The following AOPEP variants were observed in gnomAD, a reference collection of about 807,000 sequenced individuals.
The protein encoded by AOPEP is aminopeptidase O.
Under a neutral mutation model 98.1 loss-of-function variants are expected in AOPEP, and 77 were observed. The ratio of observed to expected loss-of-function variants is 0.78; its 90% CI spans 0.65 to 0.95. The LOEUF is 0.95. Among genes scored for constraint, AOPEP ranks in the 40% least tolerant of loss-of-function variants. AOPEP has a pLI of 0.00. For missense variants in AOPEP, 1,024 were observed against 1,024.7 expected (o/e 1.00, Z 0.01); for synonymous variants, 346 against 365.3 (o/e 0.95, Z 0.60).
At chr9:94,785,785 G>A (rs1280030462) in intron 3 of AOPEP, among the ~76,000 whole-genome samples, 1 of 152,204 alleles carries the variant, frequency 6.6e-6, no homozygotes, top group Non-Finnish European at 1.5e-5. Flanking sequence ...TCTAGTGCAA[G>A]TGGATTGAAT....
chr9:94,787,303 T>C (rs1844642465), intron 3 of AOPEP, among the ~76,000 whole-genome samples: 1 of 152,202 alleles, frequency 6.6e-6, no homozygotes, highest in South Asian at 2.1e-4. Context: ...ACCTTGAGAG[T>C]GCAGACATGC....
At chr9:95,007,347 C>G (rs1352754824) in intron 13 of AOPEP, among the ~76,000 whole-genome samples, 1 of 150,938 alleles carries the variant, frequency 6.6e-6, no homozygotes, top group African/African-American at 2.4e-5. Context: ...ACACCCATGA[C>G]CTGACTACTG....
chr9:95,097,937 G>C, the AOPEP span, among the ~76,000 whole-genome samples: 1 of 152,074 alleles, frequency 6.6e-6, no homozygotes, highest in Admixed American at 6.5e-5. Context: ...CAAAATCTAC[G>C]GATTTCCCAA....
intron 5 of AOPEP, among the ~76,000 whole-genome samples, chr9:94,885,977 A>G (rs924898995): frequency 6.6e-6 from 1 of 152,122 alleles, no homozygotes. Context: ...TCAGTAACGA[A>G]CAACTGACCC....
intron 13 of AOPEP, among the ~76,000 whole-genome samples, chr9:95,034,962 A>G (rs1171275951): frequency 7.4e-6 from 1 of 135,624 alleles, no homozygotes; most frequent in Non-Finnish European, 1.6e-5. Flanking sequence ...AAAGAAAACC[A>G]TTTCTTTTTC....
intron 14 of AOPEP, among the ~76,000 whole-genome samples, chr9:95,065,678 A>G (rs1164561282): frequency 6.6e-6 from 1 of 152,198 alleles, no homozygotes; most frequent in African/African-American, 2.4e-5. Flanking sequence ...CAATTAGTGA[A>G]ATGCTTTTAT....
intron 2 of AOPEP, among the ~76,000 whole-genome samples, chr9:94,771,748 C>T (rs1840939037): frequency 6.6e-6 from 1 of 152,104 alleles, no homozygotes; most frequent in South Asian, 2.1e-4. Flanking sequence ...CTGGACAGTC[C>T]CCACTGTGAC....
At chr9:94,738,635 G>A (rs986443630) in intron 1 of AOPEP, among the ~76,000 whole-genome samples, 3 of 152,094 alleles carry the variant, frequency 2.0e-5, no homozygotes, top group Non-Finnish European at 4.4e-5. Context: ...ATGCAGTGGC[G>A]CAATCTCCGC....
intron 11 of AOPEP, among the ~76,000 whole-genome samples, chr9:94,999,599 C>T (rs1432637298): frequency 2.0e-5 from 3 of 152,112 alleles, no homozygotes; most frequent in Non-Finnish European, 4.4e-5. Context: ...TTATAATGCA[C>T]CTCAATAAAT....
chr9:95,088,794 T>C (rs2070824938), downstream of AOPEP, among the ~76,000 whole-genome samples: 1 of 152,260 alleles, frequency 6.6e-6, no homozygotes, highest in African/African-American at 2.4e-5. Flanking sequence ...CAAAGACCAC[T>C]AATCCCCTGG....
At chr9:94,832,480 C>T (rs1215157701) in intron 5 of AOPEP, among the ~76,000 whole-genome samples, 2 of 152,182 alleles carry the variant, frequency 1.3e-5, no homozygotes, top group African/African-American at 4.8e-5. Context: ...AAGGAGTTTA[C>T]AGTATCTAGC....
At chr9:94,979,570 A>C (rs900816911) in intron 11 of AOPEP, 143 bp downstream of exon 11, 1 of 596,976 alleles carries the variant, frequency 1.7e-6, no homozygotes, top group Non-Finnish European at 3.1e-6. Flanking sequence ...AAGTCAGAAC[A>C]CTAGTCTCTC....
At chr9:94,802,983 G>A (rs887652934) in intron 5 of AOPEP, among the ~76,000 whole-genome samples, 2 of 152,062 alleles carry the variant, frequency 1.3e-5, no homozygotes, top group African/African-American at 4.8e-5. Context: ...AGCTGAGTGG[G>A]GTTTATGACT....
At chr9:94,773,842 C>T (rs897580561) in intron 3 of AOPEP, among the ~76,000 whole-genome samples, 8 of 152,224 alleles carry the variant, frequency 5.3e-5, no homozygotes, top group Admixed American at 3.3e-4. Flanking sequence ...AACGGCTCAC[C>T]GTGGCCTTGA....
At chr9:94,940,829 C>A (rs1221763387) in intron 7 of AOPEP, among the ~76,000 whole-genome samples, 1 of 152,106 alleles carries the variant, frequency 6.6e-6, no homozygotes, top group African/African-American at 2.4e-5. Flanking sequence ...GGCTCTGGAG[C>A]TGGGCCCTTC....
chr9:95,083,100 G>T, intron 16 of AOPEP: 1 of 198,568 alleles, frequency 5.0e-6, no homozygotes. Flanking sequence ...CAGTCTTCAG[G>T]GTCACGGCTG....
rs1841766218 is a variant in AOPEP, at chr9:94,775,009, A to AT, written c.964+1846dup. 1.3e-5 allele frequency among the ~76,000 whole-genome samples: 2 copies of AT among 151,788 alleles called. 1 individual carries two copies. The highest frequency in any genetic ancestry group is 4.2e-4 in the South Asian group (2 of 4,816). ...GACCTAGATTTTTGCCATTTGTCTT[A>AT]TTTTTCAATTTTATTGGCTCTTTAA... On this transcript the variant is annotated intron_variant, in intron 3 of 16. Transcript: ENST00000375315.
rs1360035248 is a variant in AOPEP at position 94,792,973 on chromosome 9, G to A, written c.1118+55G>A. 67 of 1,517,642 alleles carry A rather than the reference G, an allele frequency of 4.4e-5. 1 individual carries two copies. In the East Asian group the frequency reaches 1.2e-3, roughly 27 times the overall value. 94.0% of individuals were successfully genotyped at this position (1,517,642 alleles called of 1,614,324 possible). A position where few individuals can be genotyped will look rare whatever the true frequency, so the allele number is the denominator to read the frequency against. On this transcript the variant is annotated intron_variant, in intron 4 of 16. Coordinates refer to ENST00000375315, the MANE Select transcript of AOPEP (RefSeq NM_001193329.3). ...AAAAAAAAAAAACACTTGAGGGAGC[G>A]GTATGATGCATTTCTTCCAAGCACT...
At chr9:95,042,513 T>G (rs1318654953) in intron 13 of AOPEP, among the ~76,000 whole-genome samples, 3 of 152,148 alleles carry the variant, frequency 2.0e-5, no homozygotes, top group Non-Finnish European at 4.4e-5. Context: ...TAAAACAAAT[T>G]TATTATAGTA....
Sources: gnomAD v4.1 joint callset for allele counts (sites outside exome capture counted in the v4.1 genomes callset) on GRCh38, gnomAD v4.1.1 for gene constraint, MANE v1.5 for transcripts, NCBI Gene and HGNC (gene_info 2026-07-23, HGNC 2026-07-21) for gene names.